RAB38: variants seen among roughly 807,000 people sequenced by gnomAD.
RAB38 encodes ras-related protein Rab-38.
A neutral mutation model predicts 18.4 loss-of-function variants in RAB38; 15 were observed. That is an observed-to-expected ratio of 0.82 (90% confidence interval 0.55 to 1.26). The LOEUF is 1.26. Ranked by LOEUF, RAB38 falls within the 50% of genes most tolerant of loss-of-function variation. RAB38 has a pLI of 0.00. For missense variants in RAB38, 294 were observed against 267.4 expected (o/e 1.10, Z -0.69); for synonymous variants, 101 against 104.4 (o/e 0.97, Z 0.20).
the RAB38 span, among the ~76,000 whole-genome samples, chr11:87,942,565 A>G: frequency 6.6e-6 from 1 of 152,300 alleles, no homozygotes; most frequent in African/African-American, 2.4e-5. Context: ...AAATGTAAAG[A>G]TTAAGACTTG....
intron 2 of RAB38, among the ~76,000 whole-genome samples, chr11:88,121,685 C>G (rs1300942336): frequency 6.6e-6 from 1 of 152,200 alleles, no homozygotes; most frequent in Non-Finnish European, 1.5e-5. Flanking sequence ...GACTCAGCCT[C>G]CTGAGTAGCT....
At chr11:87,913,051 G>T in the RAB38 span, among the ~76,000 whole-genome samples, 1 of 151,294 alleles carries the variant, frequency 6.6e-6, no homozygotes, top group Non-Finnish European at 1.5e-5. Context: ...AAATATTTGG[G>T]GATTTTCCAG....
At chr11:87,958,082 A>C in the RAB38 span, among the ~76,000 whole-genome samples, 1 of 152,024 alleles carries the variant, frequency 6.6e-6, no homozygotes, top group Non-Finnish European at 1.5e-5. Flanking sequence ...TTGAATTTTG[A>C]TCTCTTCCCA....
At chr11:87,937,105 G>A in the RAB38 span, among the ~76,000 whole-genome samples, 1 of 151,622 alleles carries the variant, frequency 6.6e-6, no homozygotes, top group Admixed American at 6.6e-5. Flanking sequence ...ATAGATATAA[G>A]CTTTGTTGTA....
At chr11:87,875,055 G>T in the RAB38 span, among the ~76,000 whole-genome samples, 1 of 151,512 alleles carries the variant, frequency 6.6e-6, no homozygotes, top group Non-Finnish European at 1.5e-5. Context: ...GTTGATCAAA[G>T]ATTACAAAGT....
At chr11:88,132,822 A>G (rs1942782054) in intron 2 of RAB38, among the ~76,000 whole-genome samples, 1 of 152,186 alleles carries the variant, frequency 6.6e-6, no homozygotes, top group Non-Finnish European at 1.5e-5. Context: ...TATAGCTTGA[A>G]ACCACAGAAT....
chr11:88,161,261 C>T (rs1252607225), intron 1 of RAB38, among the ~76,000 whole-genome samples: 1 of 152,052 alleles, frequency 6.6e-6, no homozygotes, highest in Non-Finnish European at 1.5e-5. Flanking sequence ...TCCAGATTTT[C>T]TTGCCTTTTT....
the RAB38 span, among the ~76,000 whole-genome samples, chr11:87,872,525 G>A: frequency 1.3e-5 from 2 of 151,450 alleles, no homozygotes; most frequent in South Asian, 4.1e-4. Flanking sequence ...TGACAAATGT[G>A]TAGTGATATA....
chr11:88,021,563 AATTTATTTATTTATTTATTT>A, the RAB38 span, among the ~76,000 whole-genome samples: 9 of 141,944 alleles, frequency 6.3e-5, no homozygotes, highest in East Asian at 4.5e-4. Flanking sequence ...AGAGAAAGAT[AATTTATTTATTTATTTATTT>A]ATTTATTTAT....
chr11:87,887,870 A>G, the RAB38 span, among the ~76,000 whole-genome samples: 1 of 151,982 alleles, frequency 6.6e-6, no homozygotes, highest in African/African-American at 2.4e-5. Context: ...TAATAACAAT[A>G]TAAGAAAAAC....
chr11:87,873,559 A>T, the RAB38 span, among the ~76,000 whole-genome samples: 1 of 151,446 alleles, frequency 6.6e-6, no homozygotes, highest in Non-Finnish European at 1.5e-5. Context: ...ATTTTCTCCT[A>T]TGTTATGTTC....
chr11:87,893,371 C>CATATATATATATATATGT, the RAB38 span, among the ~76,000 whole-genome samples: 86 of 86,360 alleles, frequency 1.0e-3, 8 homozygotes, highest in Middle Eastern at 0.023. Context: ...ATATATTTTA[C>CATATATATATATATATGT]ATATATATAT....
chr11:87,828,628 A>C, the RAB38 span, among the ~76,000 whole-genome samples: 2 of 152,194 alleles, frequency 1.3e-5, no homozygotes, highest in East Asian at 3.9e-4. Flanking sequence ...CAAGTGCTGG[A>C]CAGTGACACT....
chr11:88,169,071 A>T (rs1943278157), intron 1 of RAB38, among the ~76,000 whole-genome samples: 1 of 152,184 alleles, frequency 6.6e-6, no homozygotes. Context: ...TATGATCCAG[A>T]ACAGGTATGT....
At chr11:88,096,963 TTATC>T in the RAB38 span, among the ~76,000 whole-genome samples, 8 of 151,868 alleles carry the variant, frequency 5.3e-5, no homozygotes, top group Admixed American at 2.6e-4. Context: ...ACACATTTCT[TTATC>T]CATTCATCTG....
chr11:88,021,732 G>C, the RAB38 span, among the ~76,000 whole-genome samples: 2 of 149,446 alleles, frequency 1.3e-5, no homozygotes, highest in African/African-American at 4.9e-5. Flanking sequence ...TGAGACTACA[G>C]ACCTACGCTC....
At chr11:87,839,721 G>A in the RAB38 span, among the ~76,000 whole-genome samples, 1 of 152,168 alleles carries the variant, frequency 6.6e-6, no homozygotes, top group Non-Finnish European at 1.5e-5. Context: ...TATTGGAAAA[G>A]CAATGAAGTA....
chr11:87,894,692 C>T, the RAB38 span, among the ~76,000 whole-genome samples: 1 of 150,698 alleles, frequency 6.6e-6, no homozygotes, highest in South Asian at 2.1e-4. Flanking sequence ...GGGACATATG[C>T]TGAGTGCATT....
chr11:88,020,970 TA>T, the RAB38 span, among the ~76,000 whole-genome samples: 1 of 151,994 alleles, frequency 6.6e-6, no homozygotes, highest in East Asian at 1.9e-4. Flanking sequence ...GGGAAATTTA[TA>T]GTGAAAAGTG....
Sources: allele counts gnomAD v4.1 joint callset (sites outside exome capture counted in the v4.1 genomes callset), GRCh38; gene constraint gnomAD v4.1.1; transcripts MANE v1.5; gene names NCBI Gene and HGNC (gene_info 2026-07-23, HGNC 2026-07-21).